The following MUC6 variants were observed in gnomAD, a reference collection of about 807,000 sequenced individuals.
MUC6 encodes mucin-6.
In MUC6, 188 loss-of-function variants were observed where a neutral mutation model predicts 201.5. That is an observed-to-expected ratio of 0.93 (90% CI 0.83 to 1.05). MUC6 has a LOEUF of 1.05. Ranked by LOEUF, MUC6 falls within the 50% of genes least tolerant of loss-of-function variation. MUC6 has a pLI of 0.00. For synonymous variants in MUC6, 1,228 were observed against 1,389.4 expected (o/e 0.88, Z 2.58); for missense variants, 2,706 against 3,256.9 (o/e 0.83, Z 4.12).
chr11:1,034,234 C>T (rs1364284068), intron 1 of MUC6, among the ~76,000 whole-genome samples: 1 of 152,150 alleles, frequency 6.6e-6, no homozygotes, highest in Admixed American at 6.5e-5. Context: ...AGAATGCCAA[C>T]CTTGGCTATG....
At position 1,025,056 on chromosome 11, in the gene MUC6, A is replaced by C. The variant is rs753131880; in HGVS notation, c.3013T>G (p.Phe1005Val). Residue 1005 changes from phenylalanine to valine, a missense_variant, in exon 24 of 33, where the codon TTC becomes GTC. This residue lies in a region of MUC6 where 1,850 missense variants were observed against 1,958.3 expected (regional missense o/e 0.94). Coordinates refer to ENST00000421673, the MANE Select transcript of MUC6 (RefSeq NM_005961.3). The part of the protein sequence containing the change: ...QDPLCGLCGN[F>V]NGNMKDDFET... ...AAGTCGTCCTTCATGTTCCCGTTGAAGTTGCCACACAAGCCGCAGAGGGGA... is the reference window on the plus strand; with the variant it reads ...AAGTCGTCCTTCATGTTCCCGTTGACGTTGCCACACAAGCCGCAGAGGGGA... The C allele has an allele frequency of 6.2e-7, 1 of 1,612,848 alleles. No individual in the cohort carries two copies. The highest frequency in any genetic ancestry group is 8.5e-7 in the Non-Finnish European group (1 of 1,179,820).
chr11:1,024,599 G>C (rs1449805092), intron 24 of MUC6, among the ~76,000 whole-genome samples: 1 of 152,240 alleles, frequency 6.6e-6, no homozygotes, highest in Non-Finnish European at 1.5e-5. Context: ...TCGTGGCACT[G>C]TCTGGGGGTG....
At position 1,016,024 on chromosome 11, in the gene MUC6, G is replaced by T; in HGVS notation, c.6777C>A (p.His2259Gln). Residue 2259 changes from histidine (H) to glutamine (Q), a missense_variant, in exon 31 of 33, where the codon CAC becomes CAA. This residue lies in a region of MUC6 where 586 missense variants were observed against 488.0 expected (regional missense o/e 1.20). Coordinates refer to ENST00000421673, the MANE Select transcript of MUC6 (RefSeq NM_005961.3). ...ACTGAGAGGAGAAGGCAGGGGCGGT[G>T]TGGGTGCTGGCCGTGGTCCTGGGCG... ...PSTPRTTAST[H>Q]TAPAFSSQST... The T allele has an allele frequency of 3.7e-6, 6 of 1,609,390 alleles. No individual in the cohort carries two copies. The highest frequency in any genetic ancestry group is 5.1e-6 in the Non-Finnish European group (6 of 1,176,912).
At chr11:1,029,872 C>T (rs1230215513) in intron 8 of MUC6, among the ~76,000 whole-genome samples, 1 of 152,224 alleles carries the variant, frequency 6.6e-6, no homozygotes, top group Non-Finnish European at 1.5e-5. Flanking sequence ...TGCCAATGTG[C>T]CCGGCCCAGG....
chr11:1,016,658 G>A lies in MUC6; in HGVS notation c.6143C>T (p.Pro2048Leu), dbSNP rs561385677. Residue 2048 changes from proline (P) to leucine (L), a missense_variant, in exon 31 of 33, where the codon CCA becomes CTA. Pro to Leu is a moderately conservative substitution (Grantham distance 98, BLOSUM62 -3). Transcript: ENST00000421673. Reference sequence around the variant, plus strand: ...CCCTGTGGCCTTGAGCGTTGTTGGTGGAGGAACGGTGCCTGTTGGCGTTGA... The same window carrying A: ...CCCTGTGGCCTTGAGCGTTGTTGGTAGAGGAACGGTGCCTGTTGGCGTTGA... Reference protein sequence around the residue: ...IHSTPTGTVPPPTTLKATGST... With the variant: ...IHSTPTGTVPLPTTLKATGST... 5.5e-5 allele frequency: 89 copies of A among 1,614,026 alleles called. No homozygotes were observed. In the African/African-American group the frequency reaches 1.1e-3, roughly 20 times the overall value.
chr11:1,024,713 C>G, intron 24 of MUC6, 131 bp downstream of exon 24: 1 of 1,413,240 alleles, frequency 7.1e-7, no homozygotes, highest in Non-Finnish European at 9.4e-7. Context: ...GTCTGAAACT[C>G]TCTGCACCCT....
intron 24 of MUC6, among the ~76,000 whole-genome samples, chr11:1,024,304 G>A (rs905143943): frequency 1.3e-5 from 2 of 152,178 alleles, no homozygotes; most frequent in African/African-American, 2.4e-5. Context: ...GGCCTGACCC[G>A]AGCTCACGCC....
rs765832334 is a variant in MUC6, at chr11:1,016,162, G to A, written c.6639C>T (p.Pro2213=). The change falls in exon 31 of 33, where the codon CCC becomes CCT. Residue 2213 remains proline, a synonymous_variant. Transcript: ENST00000421673. ...AASTTIRATL[P]HTISSPFTLS... is the part of the protein sequence containing the mutation. ...GGGTGAAAGGAGAGGAGATAGTGTG[G>A]GGGAGAGTGGCCCTAATGGTAGTAG... 2 of 1,613,612 alleles carry A rather than the reference G, an allele frequency of 1.2e-6. No individual in the cohort carries two copies. Among genetic ancestry groups the A allele is most frequent in the Non-Finnish European group, 8.5e-7 (1 of 1,179,794 alleles).
In MUC6 at chr11:1,018,399, C is replaced by T. The variant is rs61742414; in HGVS notation, c.4402G>A (p.Ala1468Thr). Reference protein sequence around the residue: ...STHTVITPTHAQMATSASNHS... With the variant: ...STHTVITPTHTQMATSASNHS... ...TTGGAGGCAGATGTGGCCATCTGTG[C>T]GTGGGTAGGGGTGATGACTGTGTGA... The change falls in exon 31 of 33, where the codon GCA (alanine) becomes ACA (threonine). Residue 1468 changes from alanine to threonine, a missense_variant. By Grantham distance (58) the Ala-to-Thr change is moderately conservative. Around this residue, in one of 10 missense-constraint regions of MUC6, gnomAD observed 128 missense variants for 206.5 expected, o/e 0.62. Coordinates refer to ENST00000421673, the MANE Select transcript of MUC6 (RefSeq NM_005961.3). The T allele has an allele frequency of 1.3e-4, 201 of 1,522,458 alleles. No individual in the cohort carries two copies. The African/African-American group carries it at 3.5e-3, about 26-fold the overall frequency. 94.3% of individuals were successfully genotyped at this position (1,522,458 alleles called of 1,614,324 possible). A position where few individuals can be genotyped will look rare whatever the true frequency, so the allele number is the denominator to read the frequency against.
intron 28 of MUC6, 127 bp from the exon 29 acceptor site, chr11:1,020,384 C>A: frequency 7.7e-7 from 1 of 1,293,278 alleles, no homozygotes; most frequent in Non-Finnish European, 1.1e-6. Flanking sequence ...CAGTTGAGGG[C>A]TGGCCTGTGG....
In MUC6 at chr11:1,024,889, C is replaced by T; in HGVS notation, c.3180G>A (p.Lys1060=). 1 of 1,612,674 alleles carries T rather than the reference C, an allele frequency of 6.2e-7. No homozygotes were observed. Among genetic ancestry groups the T allele is most frequent in the Non-Finnish European group, 8.5e-7 (1 of 1,179,822 alleles). The change falls in exon 24 of 33, where the codon AAG becomes AAA. Residue 1060 remains lysine, a synonymous_variant. Transcript: ENST00000421673. ...NAFRRSWAER[K]CSVINSQTFA... ...AGGTCTGGCTGTTGATGACGCTGCA[C>T]TTGCGCTCGGCCCAGGAGCGCCGGA...
Position 1,025,837 on chromosome 11 carries a change from T to A in MUC6, c.2767A>T (p.Thr923Ser). 1 of 1,612,920 alleles carries A rather than the reference T, an allele frequency of 6.2e-7. No individual in the cohort carries two copies. The highest frequency in any genetic ancestry group is 8.5e-7 in the Non-Finnish European group (1 of 1,179,768). ...AAGATCTTGATGGCCCGTGAGCATGTGACCCCGGAGTTCCCACAGATGACG... is the reference window on the plus strand; with the variant it reads ...AAGATCTTGATGGCCCGTGAGCATGAGACCCCGGAGTTCCCACAGATGACG... ...ENVICGNSGVTCSRAIKIFLG... is the reference protein window; with the variant it reads ...ENVICGNSGVSCSRAIKIFLG... The change falls in exon 22 of 33, where the codon ACA (threonine) becomes TCA (serine). Residue 923 changes from threonine to serine, a missense_variant. By Grantham distance (58) the Thr-to-Ser change is moderately conservative. Coordinates refer to ENST00000421673, the MANE Select transcript of MUC6 (RefSeq NM_005961.3).
chr11:1,023,727 C>T, intron 25 of MUC6, 75 bp from the exon 26 acceptor site: 1 of 1,575,800 alleles, frequency 6.3e-7, no homozygotes, highest in Non-Finnish European at 8.6e-7. Context: ...TTCCCCTGGG[C>T]ATGCATGGAA....
Position 1,027,758 on chromosome 11 carries a change from C to G in MUC6, c.1908G>C (p.Leu636=). The change falls in exon 16 of 33, where the codon CTG becomes CTC. Residue 636 remains leucine (L), a synonymous_variant. Coordinates refer to ENST00000421673, the MANE Select transcript of MUC6 (RefSeq NM_005961.3). ...AGGAGCAGGCGTGTACGTAGTCGCC[C>G]AGGGCGGCACAGATGTGGGGAAAGG... The part of the protein sequence containing the change: ...EETFPHICAA[L]GDYVHACSLR... 6.2e-7 allele frequency: 1 copy of G among 1,610,396 alleles called. No individual in the cohort carries two copies. The highest frequency in any genetic ancestry group is 1.7e-5 in the Admixed American group (1 of 59,688).
At chr11:1,027,656 AC>A (rs1169428120) in intron 16 of MUC6, 28 bp downstream of exon 16, 2 of 1,582,050 alleles carry the variant, frequency 1.3e-6, no homozygotes, top group African/African-American at 2.7e-5. Flanking sequence ...GCCTGCCGTG[AC>A]CCCGCTTAAG....
Position 1,019,204 on chromosome 11 carries a change from C to T in MUC6, c.4030+71G>A. 5 of 1,491,294 alleles carry T rather than the reference C, an allele frequency of 3.4e-6. No homozygotes were observed. In the Middle Eastern group the frequency reaches 5.1e-4, roughly 153 times the overall value. 92.4% of individuals were successfully genotyped at this position (1,491,294 alleles called of 1,614,324 possible). A position where few individuals can be genotyped will look rare whatever the true frequency, so the allele number is the denominator to read the frequency against. ...TACGGGGTCTTCTTTATGGCTGAATCACTGAATGTGAGCTGGTGGTGGGAC... is the reference window on the plus strand; with the variant it reads ...TACGGGGTCTTCTTTATGGCTGAATTACTGAATGTGAGCTGGTGGTGGGAC... On this transcript the variant is annotated intron_variant, in intron 30 of 32. Transcript: ENST00000421673.
At position 1,033,199 on chromosome 11, in the gene MUC6, T is replaced by C. The variant is rs763677275; in HGVS notation, c.53-124A>G. The C allele has an allele frequency of 5.2e-5, 50 of 965,502 alleles. No homozygotes were observed. The highest frequency in any genetic ancestry group is 7.5e-5 in the Non-Finnish European group (46 of 613,534). The allele number at this position is 965,502 out of a possible 1,614,324, so 59.8% of individuals were successfully genotyped here. A position where few individuals can be genotyped will look rare whatever the true frequency, so the allele number is the denominator to read the frequency against. ...ACACTCGGCGTGCGAGAAGTGTCCA[T>C]GGCCCGTGGGGCTCGAGGCCTCAAC... On this transcript the variant is annotated intron_variant, in intron 1 of 32. Coordinates refer to ENST00000421673, the MANE Select transcript of MUC6 (RefSeq NM_005961.3). This position sits in a 1 kb window ranked among gnomAD's most constrained non-coding sequence, Gnocchi z 5.6.
rs935905601 is a variant in MUC6, at chr11:1,027,121, G to A, written c.2284+20C>T. On this transcript the variant is annotated intron_variant, in intron 18 of 32. Transcript: ENST00000421673. ...GGGCCCCTCACAGTCCCAGCCTGCG[G>A]CCAGCGCTGCTGTACGTACCCAGGA... 6.2e-7 allele frequency: 1 copy of A among 1,612,238 alleles called. No homozygotes were observed. The highest frequency in any genetic ancestry group is 8.5e-7 in the Non-Finnish European group (1 of 1,179,672).
rs774329839 is a variant in MUC6 at position 1,023,534 on chromosome 11, CTG to C, written c.3499_3500del (p.Gln1167GlufsTer17). On this transcript the variant is annotated frameshift_variant, in exon 26 of 33. Transcript: ENST00000421673. LOFTEE classifies it high-confidence loss of function. Reference protein sequence around the residue: ...YQPCLCPSQPQSVPGSNIEGC... With the variant: ...YQPCLCPSQPXSVPGSNIEGC... The stretch of plus-strand genomic sequence containing the variant: ...CTTCGATGTTGCTGCCTGGGACGCT[CTG>C]TGGCTGGCTGGGGCAGAGGCAGGGC... 2.9e-5 allele frequency: 47 copies of C among 1,599,164 alleles called. No homozygotes were observed. Among genetic ancestry groups the C allele is most frequent in the Non-Finnish European group, 3.8e-5 (45 of 1,173,170 alleles).
Sources: gnomAD v4.1 joint callset for allele counts (sites outside exome capture counted in the v4.1 genomes callset) on GRCh38, gnomAD v4.1.1 for gene constraint, gnomAD v4.1.1 regional missense constraint, Gnocchi (gnomAD v3.1) non-coding constraint, MANE v1.5 for transcripts, NCBI Gene and HGNC (gene_info 2026-07-23, HGNC 2026-07-21) for gene names.